The following RBFOX1 variants were observed in gnomAD, a reference collection of about 807,000 sequenced individuals.
The protein encoded by RBFOX1 is RNA binding fox-1 homolog 1, also known as RNA binding protein fox-1 homolog 1.
RBFOX1 carries 8 observed loss-of-function variants against 57.7 expected under a neutral mutation model. The observed-to-expected ratio is 0.14, with a 90% CI of 0.08 to 0.25. The LOEUF (loss-of-function observed/expected upper bound fraction) is 0.25, where lower values mean the gene tolerates loss of function less well. Ranked by LOEUF, RBFOX1 falls within the 10% of genes least tolerant of loss-of-function variation. The pLI is 1.00. For synonymous variants in RBFOX1, 326 were observed against 222.4 expected (o/e 1.47, Z -4.15); for missense variants, 611 against 548.5 (o/e 1.11, Z -1.14).
At chr16:6,901,036 A>T (rs2068351772) in intron 3 of RBFOX1, among the ~76,000 whole-genome samples, 1 of 152,210 alleles carries the variant, frequency 6.6e-6, no homozygotes, top group South Asian at 2.1e-4. Flanking sequence ...GACATTATGT[A>T]TACCGGGTGC....
At chr16:6,100,447 C>A (rs531475226) in intron 1 of RBFOX1, among the ~76,000 whole-genome samples, 1 of 152,220 alleles carries the variant, frequency 6.6e-6, no homozygotes, top group Non-Finnish European at 1.5e-5. Flanking sequence ...CAGGCATGAG[C>A]CACCGCGCCC....
chr16:7,391,274 C>T (rs529911201), intron 4 of RBFOX1, among the ~76,000 whole-genome samples: 1 of 152,232 alleles, frequency 6.6e-6, no homozygotes, highest in East Asian at 1.9e-4. Context: ...TGCTGATGTC[C>T]CTCTAAGAGA....
chr16:6,819,278 C>T (rs1175392352), intron 3 of RBFOX1, among the ~76,000 whole-genome samples: 1 of 152,300 alleles, frequency 6.6e-6, no homozygotes, highest in South Asian at 2.1e-4. Flanking sequence ...GTGGAAATGG[C>T]ATAGTCCCTT....
rs554745047 is a variant in RBFOX1, at chr16:5,535,495, C to A, written c.259-63407C>A. On this transcript the variant is annotated intron_variant, in intron 2 of 2. Transcript: ENST00000585867. ...TGAGGTGAAAAGCAGTCCCCAGTCC[C>A]AAGGAGTTTACAAATCCAGCTGGCA... is the stretch of plus-strand genomic sequence containing the variant. Among the ~76,000 whole-genome samples the A allele has an allele frequency of 5.3e-5, 8 of 152,274 alleles. No individual in the cohort carries two copies. The South Asian group carries it at 1.7e-3, about 32-fold the overall frequency.
At position 5,723,667 on chromosome 16, in the gene RBFOX1, C is replaced by T. The variant is rs189731871; in HGVS notation, c.318+124706C>T. 3.7e-4 allele frequency among the ~76,000 whole-genome samples: 56 copies of T among 152,202 alleles called. No individual in the cohort carries two copies. The East Asian group carries it at 4.7e-3, about 13-fold the overall frequency. ...GACCTTTGGTCTAAGGTCGAATAGT[C>T]AGCCCACAGGAATCTGTGGATTAAA... On this transcript the variant is annotated intron_variant, in intron 3 of 19. Coordinates refer to the RBFOX1 transcript ENST00000641259.
chr16:5,762,791 C>T (rs1012787717), intron 3 of RBFOX1, among the ~76,000 whole-genome samples: 5 of 152,104 alleles, frequency 3.3e-5, no homozygotes, highest in African/African-American at 1.2e-4. Flanking sequence ...CTGTCATTTA[C>T]ATAGGTCTGG....
intron 3 of RBFOX1, among the ~76,000 whole-genome samples, chr16:6,835,243 G>C (rs918704079): frequency 3.3e-5 from 5 of 152,066 alleles, no homozygotes; most frequent in Admixed American, 3.3e-4. Context: ...AGTGAGCGCT[G>C]TGGACTAAGA....
At chr16:5,695,969 T>A (rs1310757780) in intron 3 of RBFOX1, among the ~76,000 whole-genome samples, 1 of 152,156 alleles carries the variant, frequency 6.6e-6, no homozygotes, top group Non-Finnish European at 1.5e-5. Context: ...CCAATCAACC[T>A]TCTAGATTTA....
At chr16:7,425,785 C>T (rs139103882) in intron 4 of RBFOX1, among the ~76,000 whole-genome samples, 36 of 152,296 alleles carry the variant, frequency 2.4e-4, no homozygotes, top group Middle Eastern at 3.4e-3. Context: ...GAGAAAGGAT[C>T]GCCTTCCAGG....
At position 7,325,081 on chromosome 16, in the gene RBFOX1, G is replaced by A. The variant is rs560060857; in HGVS notation, c.28-193066G>A. ...GCACGCTTTCATTTGAGCAATTAGC[G>A]GTTGAAGGGAGGAAGAGTTTTGATA... is the stretch of plus-strand genomic sequence containing the variant. On this transcript the variant is annotated intron_variant, in intron 4 of 15. Transcript: ENST00000550418. 1.2e-3 allele frequency among the ~76,000 whole-genome samples: 186 copies of A among 152,248 alleles called. 1 individual carries two copies. The highest frequency in any genetic ancestry group is 4.2e-3 in the African/African-American group (175 of 41,546).
intron 2 of RBFOX1, among the ~76,000 whole-genome samples, chr16:5,517,930 C>CTGTGTGTGTGTGTGTGTG (rs71404527): frequency 2.8e-5 from 4 of 144,100 alleles, no homozygotes; most frequent in South Asian, 2.3e-4. Context: ...GCAAAAGCTA[C>CTGTGTGTGTGTGTGTGTG]TGTGTGTGTG....
chr16:6,193,374 A>ATATATATATACTATATATATATATG (rs1567650644), intron 1 of RBFOX1, among the ~76,000 whole-genome samples: 2 of 99,386 alleles, frequency 2.0e-5, no homozygotes, highest in African/African-American at 3.6e-5. Flanking sequence ...ATATATATAT[A>ATATATATATACTATATATATATATG]TACATTATAT....
chr16:6,656,006 G>T (rs372517889), intron 3 of RBFOX1, among the ~76,000 whole-genome samples: 3 of 152,340 alleles, frequency 2.0e-5, no homozygotes, highest in East Asian at 3.9e-4. Flanking sequence ...CAATCTGCGT[G>T]ATCCCAGCTT....
chr16:6,289,681 T>C (rs1478282436), intron 1 of RBFOX1, among the ~76,000 whole-genome samples: 2 of 152,116 alleles, frequency 1.3e-5, no homozygotes, highest in East Asian at 1.9e-4. Context: ...AGAAGATGCA[T>C]TGAGCAATAG....
chr16:7,250,067 C>G (rs1342219905), intron 4 of RBFOX1, among the ~76,000 whole-genome samples: 3 of 152,134 alleles, frequency 2.0e-5, no homozygotes, highest in African/African-American at 7.2e-5. Flanking sequence ...ATCCCTCCCC[C>G]TTTTTTTCCC....
rs1292036588 is a variant in RBFOX1 at position 7,029,102 on chromosome 16, A to G, written c.-15-22955A>G. ...TATATACACACACACACACACACACACACACACACACACACACACATATAC... is the reference window on the plus strand; with the variant it reads ...TATATACACACACACACACACACACGCACACACACACACACACACATATAC... On this transcript the variant is annotated intron_variant, in intron 3 of 15. Coordinates refer to ENST00000550418, the MANE Select transcript of RBFOX1 (RefSeq NM_018723.4). Among the ~76,000 whole-genome samples the G allele has an allele frequency of 1.9e-5, 2 of 104,298 alleles. 1 individual carries two copies. The highest frequency in any genetic ancestry group is 8.8e-5 in the African/African-American group (2 of 22,784). The allele number at this position is 104,298 out of a possible 152,430, so 68.4% of individuals were successfully genotyped here.
intron 2 of RBFOX1, among the ~76,000 whole-genome samples, chr16:6,387,339 G>C (rs2092347602): frequency 6.6e-6 from 1 of 152,046 alleles, no homozygotes; most frequent in Non-Finnish European, 1.5e-5. Flanking sequence ...AGAGCACTCA[G>C]CGCCTGCTGT....
intron 15 of RBFOX1, chr16:7,710,420 C>T (rs918655551): frequency 7.2e-6 from 10 of 1,392,396 alleles, no homozygotes; most frequent in African/African-American, 1.5e-5. Flanking sequence ...TTTGGTTTTG[C>T]AGGGAATTTC....
chr16:7,709,388 A>G (rs1363315133), intron 15 of RBFOX1: 4 of 1,229,056 alleles, frequency 3.3e-6, no homozygotes, highest in Non-Finnish European at 4.3e-6. Context: ...CCTTAATGGA[A>G]TAATTAGTCA....
Sources: gnomAD v4.1 joint callset for allele counts (sites outside exome capture counted in the v4.1 genomes callset) on GRCh38, gnomAD v4.1.1 for gene constraint, MANE v1.5 for transcripts, NCBI Gene and HGNC (gene_info 2026-07-23, HGNC 2026-07-21) for gene names.